RAB37: variants seen among roughly 807,000 people sequenced by gnomAD.
The protein encoded by RAB37 is RAB37, member RAS oncogene family, also known as ras-related protein Rab-37.
Under a neutral mutation model 33.1 loss-of-function variants are expected in RAB37, and 29 were observed. The observed-to-expected ratio is 0.88, with a 90% confidence interval of 0.65 to 1.20. The LOEUF (loss-of-function observed/expected upper bound fraction) is 1.20. RAB37 is among the 50% of genes most tolerant of loss of function. The probability of loss-of-function intolerance (pLI) is 0.00; values close to 1 mark genes in which losing one functional copy is unlikely to be tolerated. For synonymous variants in RAB37, 128 were observed against 119.5 expected (o/e 1.07, Z -0.47); for missense variants, 299 against 301.1 (o/e 0.99, Z 0.05).
chr17:74,681,999 C>G (rs115944142), intron 1 of RAB37, among the ~76,000 whole-genome samples: 188 of 152,348 alleles, frequency 1.2e-3, no homozygotes, highest in African/African-American at 3.4e-3. Context: ...AAGAACCAAG[C>G]TTTATCCCTG....
At chr17:74,727,516 G>T (rs2034320112) in intron 1 of RAB37, among the ~76,000 whole-genome samples, 1 of 152,206 alleles carries the variant, frequency 6.6e-6, no homozygotes, top group Non-Finnish European at 1.5e-5. Context: ...CCGTTAGAGG[G>T]GTCCTGTGTC....
intron 1 of RAB37, among the ~76,000 whole-genome samples, chr17:74,682,425 T>A (rs2031973528): frequency 6.6e-6 from 1 of 152,038 alleles, no homozygotes; most frequent in African/African-American, 2.4e-5. Flanking sequence ...CAGGATCACA[T>A]CCTCACAGCT....
chr17:74,700,282 G>T (rs138693644), intron 1 of RAB37, among the ~76,000 whole-genome samples: 9 of 152,112 alleles, frequency 5.9e-5, no homozygotes, highest in African/African-American at 1.9e-4. Context: ...TCCTGCCTAC[G>T]ACTCACCCCT....
At chr17:74,707,752 T>C (rs1218283130) in intron 1 of RAB37, among the ~76,000 whole-genome samples, 1 of 151,874 alleles carries the variant, frequency 6.6e-6, no homozygotes, top group Non-Finnish European at 1.5e-5. Flanking sequence ...TATATGACTG[T>C]ATATCCTGCA....
At chr17:74,723,788 C>T (rs1158180246) in intron 1 of RAB37, among the ~76,000 whole-genome samples, 1 of 151,958 alleles carries the variant, frequency 6.6e-6, no homozygotes, top group African/African-American at 2.4e-5. Flanking sequence ...TGTTGGCAGG[C>T]TGGTCTCAAA....
Position 74,744,197 on chromosome 17 carries a change from A to T in RAB37, c.367-111A>T. On this transcript the variant is annotated intron_variant, in intron 5 of 8. Coordinates refer to ENST00000392613, the MANE Select transcript of RAB37 (RefSeq NM_001006638.3). The surrounding 1 kb of genome is among the most constrained non-coding windows in gnomAD (Gnocchi z 4.2). ...AACAAAGGTACAGATGAGAGAACGC[A>T]CAGGGTATCGTGTTCAAGGTAGTGA... The T allele has an allele frequency of 9.6e-7, 1 of 1,044,872 alleles. No individual in the cohort carries two copies. The highest frequency in any genetic ancestry group is 1.4e-6 in the Non-Finnish European group (1 of 706,650). The allele number at this position is 1,044,872 out of a possible 1,614,324, so 64.7% of individuals were successfully genotyped here.
At chr17:74,675,246 C>T (rs1338087983) in intron 1 of RAB37, among the ~76,000 whole-genome samples, 1 of 151,912 alleles carries the variant, frequency 6.6e-6, no homozygotes, top group Admixed American at 6.6e-5. Context: ...ACCATCCTGG[C>T]CAACATGGTG....
At position 74,729,180 on chromosome 17, in the gene RAB37, C is replaced by A. The variant is rs55911845; in HGVS notation, c.73-76C>A. 2 of 995,486 alleles carry A rather than the reference C, an allele frequency of 2.0e-6. No homozygotes were observed. Among genetic ancestry groups the A allele is most frequent in the African/African-American group, 3.2e-5 (2 of 63,108 alleles). 61.7% of individuals were successfully genotyped at this position (995,486 alleles called of 1,614,324 possible). ...CATGCGTGCTTAGAAAGAATCCACT[C>A]CCACAGCCACAAGGACACCTCTGAG... On this transcript the variant is annotated intron_variant, in intron 1 of 7. Coordinates refer to the RAB37 transcript ENST00000340415. This position sits in a 1 kb window ranked among gnomAD's most constrained non-coding sequence, Gnocchi z 4.2.
intron 1 of RAB37, among the ~76,000 whole-genome samples, chr17:74,693,170 A>AT (rs1307521493): frequency 1.3e-5 from 2 of 152,248 alleles, no homozygotes; most frequent in African/African-American, 4.8e-5. Flanking sequence ...TTAAGCTGAA[A>AT]TGTGATGATA....
At chr17:74,703,034 C>A (rs2033202215) in intron 1 of RAB37, 2 of 1,612,188 alleles carry the variant, frequency 1.2e-6, no homozygotes, top group South Asian at 2.2e-5. Flanking sequence ...AGCTGGCTTA[C>A]CTGTTGTCCA....
intron 1 of RAB37, chr17:74,695,885 A>G: frequency 6.2e-7 from 1 of 1,607,022 alleles, no homozygotes; most frequent in South Asian, 1.1e-5. Context: ...CAGGCTGGGG[A>G]GTCACAAGAT....
upstream of RAB37, chr17:74,737,047 T>C: frequency 6.2e-7 from 1 of 1,608,966 alleles, no homozygotes; most frequent in South Asian, 1.1e-5. Flanking sequence ...GCCGAGCCGG[T>C]GTTGCTCAGG....
upstream of RAB37, among the ~76,000 whole-genome samples, chr17:74,732,296 C>T (rs528105811): frequency 2.4e-4 from 37 of 152,306 alleles, no homozygotes; most frequent in Admixed American, 1.2e-3. Context: ...GGGGTCCATG[C>T]GCCACATTTT....
intron 1 of RAB37, among the ~76,000 whole-genome samples, chr17:74,709,923 A>G (rs2033825260): frequency 6.6e-6 from 1 of 152,000 alleles, no homozygotes; most frequent in Non-Finnish European, 1.5e-5. Flanking sequence ...TATTGACATC[A>G]TAAACAAAAC....
chr17:74,734,956 G>GAAGAAAGAAAGAAA (rs1365405641), upstream of RAB37, among the ~76,000 whole-genome samples: 1 of 80,190 alleles, frequency 1.2e-5, no homozygotes, highest in South Asian at 3.1e-4. Context: ...AAGAGAGAAA[G>GAAGAAAGAAAGAAA]AAGAAAGAAA....
chr17:74,747,229 T>G lies in RAB37; in HGVS notation c.*1818T>G, dbSNP rs2034781759. 1 of 152,104 alleles carries G rather than the reference T, an allele frequency of 6.6e-6. No homozygotes were observed. The highest frequency in any genetic ancestry group is 6.5e-5 in the Admixed American group (1 of 15,272). The allele number at this position is 152,104 out of a possible 1,614,324, so 9.4% of individuals were successfully genotyped here. Reference sequence around the variant, plus strand: ...GCAGGGAGGAGGCTGACATTGCCAGTCTCTTCTGGGGCCCAAGGCAGGTTG... The same window carrying G: ...GCAGGGAGGAGGCTGACATTGCCAGGCTCTTCTGGGGCCCAAGGCAGGTTG... On this transcript the variant is annotated 3_prime_UTR_variant, in exon 9 of 9. Transcript: ENST00000392613.
rs114596511 is a variant in RAB37, at chr17:74,730,541, G to A, written c.183+1175G>A. 9.6e-3 allele frequency among the ~76,000 whole-genome samples: 1,461 copies of A among 152,244 alleles called. 20 individuals are homozygous for A. The highest frequency in any genetic ancestry group is 0.034 in the African/African-American group (1,392 of 41,542). ...CCAGGGCTCTCCCCAGACTGGGACC[G>A]GCTGGGCTCTGGTAGTGCTGAATAG... is the stretch of plus-strand genomic sequence containing the variant. On this transcript the variant is annotated intron_variant, in intron 2 of 7. Coordinates refer to the RAB37 transcript ENST00000340415. This position sits in a 1 kb window ranked among gnomAD's most constrained non-coding sequence, Gnocchi z 4.4.
chr17:74,682,203 C>T (rs1220106181), intron 1 of RAB37, among the ~76,000 whole-genome samples: 1 of 152,194 alleles, frequency 6.6e-6, no homozygotes, highest in Non-Finnish European at 1.5e-5. Context: ...CAAAACCCAA[C>T]TCAAATTGGC....
intron 1 of RAB37, among the ~76,000 whole-genome samples, chr17:74,692,154 C>A (rs1270873895): frequency 1.3e-5 from 2 of 152,198 alleles, no homozygotes; most frequent in African/African-American, 2.4e-5. Context: ...GCATGAGCCA[C>A]CGCACCCGGC....
Sources: gnomAD v4.1 joint callset for allele counts (sites outside exome capture counted in the v4.1 genomes callset) on GRCh38, gnomAD v4.1.1 for gene constraint, Gnocchi (gnomAD v3.1) non-coding constraint, MANE v1.5 for transcripts, NCBI Gene and HGNC (gene_info 2026-07-23, HGNC 2026-07-21) for gene names.